The following TRPM1 variants were observed in gnomAD, a reference collection of about 807,000 sequenced individuals.
TRPM1 encodes the protein transient receptor potential cation channel subfamily M member 1.
In TRPM1, 113 loss-of-function variants were observed where a neutral mutation model predicts 149.4. The observed-to-expected ratio is 0.76, with a 90% CI of 0.65 to 0.88. TRPM1 has a LOEUF of 0.88. Among genes scored for constraint, TRPM1 ranks in the 40% least tolerant of loss-of-function variants. The probability of loss-of-function intolerance (pLI) is 0.00; values close to 1 mark genes in which losing one functional copy is unlikely to be tolerated. For synonymous variants in TRPM1, 741 were observed against 759.5 expected (o/e 0.98, Z 0.40); for missense variants, 1,976 against 2,038.7 (o/e 0.97, Z 0.59).
chr15:31,131,802 A>T (rs531011917), intron 1 of TRPM1, among the ~76,000 whole-genome samples: 1 of 152,082 alleles, frequency 6.6e-6, no homozygotes, highest in Non-Finnish European at 1.5e-5. Flanking sequence ...CTGTTTTCAC[A>T]CTTCCAGCAC....
intron 1 of TRPM1, among the ~76,000 whole-genome samples, chr15:31,087,561 G>A (rs779861753): frequency 3.9e-5 from 6 of 151,930 alleles, no homozygotes; most frequent in Non-Finnish European, 7.4e-5. Flanking sequence ...GCCTCAATAG[G>A]GACTTTTACA....
rs759921014 is a variant in TRPM1, at chr15:31,027,133, A to AT, written c.3294-17dup. On this transcript the variant is annotated splice_polypyrimidine_tract_variant and intron_variant, in intron 25 of 27. Coordinates refer to ENST00000256552, the MANE Select transcript of TRPM1 (RefSeq NM_001252024.2). ...GAAGGTATTGCTTTAAAAAGAAGACATTTTTACAGTTAGTTATATTACTTT... is the reference window on the plus strand; with the variant it reads ...GAAGGTATTGCTTTAAAAAGAAGACATTTTTTACAGTTAGTTATATTACTTT... The AT allele has an allele frequency of 1.8e-5, 29 of 1,609,724 alleles. No individual in the cohort carries two copies. In the Admixed American group the frequency reaches 2.8e-4, roughly 16 times the overall value.
At chr15:31,141,076 C>A (rs1216623927) in intron 1 of TRPM1, among the ~76,000 whole-genome samples, 1 of 151,856 alleles carries the variant, frequency 6.6e-6, no homozygotes, top group East Asian at 1.9e-4. Context: ...AAGCGATCCG[C>A]CCCCCTCAGC....
chr15:31,068,036 T>A lies in TRPM1; in HGVS notation c.336A>T (p.Lys112Asn). ...KPDSLLHLMV[K>N]DWQLELPKLL... ...GCTTGGGGAGTTCCAGCTGCCAATCTTTCACCATGAGATGGAGCAGTGAGT... is the reference window on the plus strand; with the variant it reads ...GCTTGGGGAGTTCCAGCTGCCAATCATTCACCATGAGATGGAGCAGTGAGT... Residue 112 changes from lysine (K) to asparagine (N), a missense_variant, in exon 5 of 28, where the codon AAA becomes AAT. Lys to Asn is a moderately conservative substitution (Grantham distance 94, BLOSUM62 0). This residue lies in a region of TRPM1 where 1,332 missense variants were observed against 1,347.1 expected (regional missense o/e 0.99). Transcript: ENST00000256552. The A allele has an allele frequency of 1.2e-6, 2 of 1,614,184 alleles. No individual in the cohort carries two copies. Among genetic ancestry groups the A allele is most frequent in the Non-Finnish European group, 1.7e-6 (2 of 1,180,036 alleles).
Position 31,001,753 on chromosome 15 carries a change from T to C in TRPM1, c.*69A>G, listed in dbSNP as rs1326306192. 6.5e-7 allele frequency: 1 copy of C among 1,527,310 alleles called. No homozygotes were observed. Among genetic ancestry groups the C allele is most frequent in the African/African-American group, 1.4e-5 (1 of 71,568 alleles). 94.6% of individuals were successfully genotyped at this position (1,527,310 alleles called of 1,614,324 possible). Reference sequence around the variant, plus strand: ...AATGTTTTTAGAAATTGATGATGTTTAGATGGCCAAGATGACACCCATTAG... The same window carrying C: ...AATGTTTTTAGAAATTGATGATGTTCAGATGGCCAAGATGACACCCATTAG... On this transcript the variant is annotated 3_prime_UTR_variant, in exon 28 of 28. Coordinates refer to ENST00000256552, the MANE Select transcript of TRPM1 (RefSeq NM_001252024.2).
intron 1 of TRPM1, among the ~76,000 whole-genome samples, 157 bp from the exon 2 acceptor site, chr15:31,081,595 C>T (rs995618991): frequency 2.0e-5 from 3 of 151,988 alleles, no homozygotes; most frequent in Non-Finnish European, 4.4e-5. Flanking sequence ...CCAACCCCTG[C>T]GCTCTGTTCT....
chr15:31,026,337 G>C (rs1357978434), intron 26 of TRPM1, 66 bp from the exon 27 acceptor site: 28 of 1,577,900 alleles, frequency 1.8e-5, no homozygotes, highest in Non-Finnish European at 1.7e-6. Flanking sequence ...GCGTCAATGA[G>C]AATTTCACAG....
chr15:31,066,808 G>A (rs917248397), intron 6 of TRPM1, among the ~76,000 whole-genome samples: 3 of 152,164 alleles, frequency 2.0e-5, no homozygotes, highest in Admixed American at 1.3e-4. Flanking sequence ...AGGAAGGAGT[G>A]AGGTATATGT....
intron 3 of TRPM1, among the ~76,000 whole-genome samples, chr15:31,072,016 TATAGAGAGAG>T (rs1297556672): frequency 5.9e-3 from 182 of 30,654 alleles, no homozygotes; most frequent in Non-Finnish European, 9.9e-3. Flanking sequence ...TATATATATA[TATAGAGAGAG>T]AGAGAGAGAG....
chr15:31,069,826 A>G, intron 4 of TRPM1: 1 of 1,519,412 alleles, frequency 6.6e-7, no homozygotes, highest in East Asian at 2.3e-5. Flanking sequence ...GGGACACTAG[A>G]TGTTCTTTAC....
intron 2 of TRPM1, among the ~76,000 whole-genome samples, chr15:31,077,880 T>C (rs1486336911): frequency 1.3e-5 from 2 of 151,746 alleles, no homozygotes; most frequent in African/African-American, 4.8e-5. Context: ...GTGTTTGTGA[T>C]GTGTGTGTGG....
intron 1 of TRPM1, among the ~76,000 whole-genome samples, chr15:31,149,580 C>T (rs1057270184): frequency 2.8e-5 from 4 of 143,610 alleles, no homozygotes; most frequent in South Asian, 2.2e-4. Context: ...ACTGCAGTGG[C>T]GCGATCTTGG....
At chr15:31,112,481 A>G (rs775844311) in intron 1 of TRPM1, among the ~76,000 whole-genome samples, 1 of 152,200 alleles carries the variant, frequency 6.6e-6, no homozygotes, top group Non-Finnish European at 1.5e-5. Context: ...CACCCTAGTT[A>G]AGGATTGCTA....
intron 13 of TRPM1, among the ~76,000 whole-genome samples, chr15:31,049,055 T>A (rs1308672826): frequency 6.6e-6 from 1 of 152,220 alleles, no homozygotes; most frequent in African/African-American, 2.4e-5. Flanking sequence ...CTTCTCACCC[T>A]TGGTGACATT....
At chr15:31,028,714 T>C (rs1008667970) in intron 24 of TRPM1, among the ~76,000 whole-genome samples, 3 of 151,806 alleles carry the variant, frequency 2.0e-5, no homozygotes, top group African/African-American at 4.8e-5. Context: ...ATCGAGCCAC[T>C]GTACTCCAGC....
chr15:31,015,370 C>A (rs1449227195), intron 27 of TRPM1, among the ~76,000 whole-genome samples: 1 of 151,616 alleles, frequency 6.6e-6, no homozygotes, highest in East Asian at 1.9e-4. Context: ...CGAGATCATG[C>A]CATTGCCCTC....
At chr15:31,013,504 A>G (rs577246197) in intron 27 of TRPM1, among the ~76,000 whole-genome samples, 1 of 152,280 alleles carries the variant, frequency 6.6e-6, no homozygotes, top group South Asian at 2.1e-4. Context: ...TAGTTGAGTT[A>G]AACTCTTTGC....
intron 27 of TRPM1, among the ~76,000 whole-genome samples, chr15:31,023,089 A>G (rs1408780142): frequency 6.6e-6 from 1 of 152,248 alleles, no homozygotes; most frequent in Non-Finnish European, 1.5e-5. Context: ...CTCTAGGTAT[A>G]TCATGGTGGA....
chr15:31,154,098 G>T (rs1194368120), intron 1 of TRPM1, among the ~76,000 whole-genome samples: 1 of 152,240 alleles, frequency 6.6e-6, no homozygotes, highest in Admixed American at 6.5e-5. Flanking sequence ...CAGTTTGAAA[G>T]AATCAATGTC....
Sources: allele counts gnomAD v4.1 joint callset (sites outside exome capture counted in the v4.1 genomes callset), GRCh38; gene constraint gnomAD v4.1.1; regional missense constraint gnomAD v4.1.1; transcripts MANE v1.5; gene names NCBI Gene and HGNC (gene_info 2026-07-23, HGNC 2026-07-21).